The following NEDD4 variants were observed in gnomAD, a reference collection of about 807,000 sequenced individuals.
NEDD4 encodes E3 ubiquitin-protein ligase NEDD4.
In NEDD4, 99 loss-of-function variants were observed where a neutral mutation model predicts 144.9. The ratio of observed to expected loss-of-function variants is 0.68; its 90% CI spans 0.58 to 0.81. NEDD4 has a LOEUF of 0.81. NEDD4 is among the 30% of genes least tolerant of loss of function. The pLI is 0.00. For missense variants in NEDD4, 985 were observed against 1,065.9 expected, an observed-to-expected ratio of 0.92 and a Z score of 1.06; for synonymous variants, 318 against 350.6, an observed-to-expected ratio of 0.91 and a Z score of 1.04.
intron 2 of NEDD4, among the ~76,000 whole-genome samples, chr15:55,955,000 T>C (rs943284603): frequency 1.3e-5 from 2 of 152,096 alleles, no homozygotes; most frequent in African/African-American, 4.8e-5. Flanking sequence ...TTGTATTGCA[T>C]TGCACTGCAC....
rs755718014 is a variant in NEDD4, at chr15:55,838,588, T to C, written c.2048A>G (p.Asn683Ser). ...DMESVDSEYY[N>S]SLRWILENDP... Reference sequence around the variant, plus strand: ...ATTTTCAAGAATCCATCTTAGGGAATTGTAATATTCACTATCCTAGATGGG... The same window carrying C: ...ATTTTCAAGAATCCATCTTAGGGAACTGTAATATTCACTATCCTAGATGGG... The change falls in exon 22 of 29, where the codon AAT (asparagine) becomes AGT (serine). Residue 683 changes from asparagine (N) to serine (S), a missense_variant. Asn to Ser is a conservative substitution (Grantham distance 46, BLOSUM62 1). Coordinates refer to ENST00000435532, the MANE Select transcript of NEDD4 (RefSeq NM_006154.4). 55 of 1,610,886 alleles carry C rather than the reference T, an allele frequency of 3.4e-5. No individual in the cohort carries two copies. The highest frequency in any genetic ancestry group is 6.7e-5 in the East Asian group (3 of 44,708).
intron 5 of NEDD4, among the ~76,000 whole-genome samples, chr15:55,913,258 G>C (rs2036332126): frequency 6.6e-6 from 1 of 152,180 alleles, no homozygotes; most frequent in Non-Finnish European, 1.5e-5. Context: ...ACTAACTGGA[G>C]TCATGGGAAA....
intron 18 of NEDD4, among the ~76,000 whole-genome samples, chr15:55,846,446 A>T (rs1364449169): frequency 1.3e-5 from 2 of 152,220 alleles, no homozygotes; most frequent in Non-Finnish European, 2.9e-5. Flanking sequence ...CGATGGGAAA[A>T]AGTGTAGTGA....
At chr15:55,985,057 T>C (rs1458452066) in intron 1 of NEDD4, among the ~76,000 whole-genome samples, 1 of 152,178 alleles carries the variant, frequency 6.6e-6, no homozygotes, top group Non-Finnish European at 1.5e-5. Flanking sequence ...TGATGTTTAA[T>C]TATGCAAGAT....
At chr15:55,927,077 C>CAAAAAAAAAAAAAA (rs57940091) in intron 4 of NEDD4, among the ~76,000 whole-genome samples, 50 of 70,574 alleles carry the variant, frequency 7.1e-4, no homozygotes, top group Non-Finnish European at 8.1e-4. Flanking sequence ...GACTACGTCT[C>CAAAAAAAAAAAAAA]AAAAAAAAAA....
At chr15:55,843,156 C>T (rs1486419773) in intron 18 of NEDD4, among the ~76,000 whole-genome samples, 3 of 152,180 alleles carry the variant, frequency 2.0e-5, no homozygotes, top group Non-Finnish European at 4.4e-5. Context: ...GTGAGGCCTC[C>T]CTAGCCATGT....
intron 2 of NEDD4, among the ~76,000 whole-genome samples, chr15:55,957,289 T>C (rs1025133103): frequency 6.6e-6 from 1 of 152,204 alleles, no homozygotes; most frequent in Non-Finnish European, 1.5e-5. Context: ...GATTTTTTTT[T>C]CTTTGCCATA....
At chr15:55,976,816 G>C (rs974227169) in intron 1 of NEDD4, among the ~76,000 whole-genome samples, 1 of 151,552 alleles carries the variant, frequency 6.6e-6, no homozygotes, top group South Asian at 2.1e-4. Context: ...TGTATTTTTA[G>C]TACAGACGGG....
chr15:55,868,669 G>GT (rs1439812963), intron 8 of NEDD4, among the ~76,000 whole-genome samples: 2 of 152,106 alleles, frequency 1.3e-5, no homozygotes, highest in East Asian at 3.8e-4. Flanking sequence ...CATTAAACCT[G>GT]TTTTTAAAGC....
intron 8 of NEDD4, among the ~76,000 whole-genome samples, chr15:55,869,370 T>A (rs2034694004): frequency 6.6e-6 from 1 of 152,208 alleles, no homozygotes; most frequent in African/African-American, 2.4e-5. Context: ...CTCTACTCCT[T>A]AACCTTTAAG....
intron 4 of NEDD4, among the ~76,000 whole-genome samples, chr15:55,944,307 C>T (rs1247184448): frequency 6.6e-6 from 1 of 152,214 alleles, no homozygotes; most frequent in Non-Finnish European, 1.5e-5. Context: ...TTCCCATGGT[C>T]TTATCAACTG....
intron 4 of NEDD4, among the ~76,000 whole-genome samples, chr15:55,944,902 G>C (rs1198195996): frequency 2.6e-5 from 4 of 152,178 alleles, no homozygotes; most frequent in Non-Finnish European, 4.4e-5. Flanking sequence ...AAATCCAACA[G>C]ATGTGCAGCT....
chr15:55,935,266 C>T (rs1227384857), intron 4 of NEDD4, among the ~76,000 whole-genome samples: 4 of 152,204 alleles, frequency 2.6e-5, no homozygotes, highest in East Asian at 3.9e-4. Flanking sequence ...ATTAGGATTT[C>T]GTTGTATGAA....
intron 4 of NEDD4, among the ~76,000 whole-genome samples, chr15:55,945,165 G>C (rs951715659): frequency 4.6e-5 from 7 of 152,170 alleles, no homozygotes; most frequent in African/African-American, 1.7e-4. Context: ...GAATGACTTT[G>C]ATGAGTTGAC....
At position 55,841,927 on chromosome 15, in the gene NEDD4, T is replaced by C; in HGVS notation, c.1838+7A>G. 1.3e-6 allele frequency: 2 copies of C among 1,597,588 alleles called. No homozygotes were observed. Among genetic ancestry groups the C allele is most frequent in the Non-Finnish European group, 1.7e-6 (2 of 1,164,914 alleles). On this transcript the variant is annotated splice_region_variant and intron_variant, in intron 19 of 28. Transcript: ENST00000435532. ...TTTCTGCCGATAATCATTGTAAAGG[T>C]ACTTACGTAGCAGAATATTCAAACA...
At chr15:55,903,750 G>C (rs192143049) in intron 5 of NEDD4, among the ~76,000 whole-genome samples, 1 of 150,756 alleles carries the variant, frequency 6.6e-6, no homozygotes, top group Non-Finnish European at 1.5e-5. Context: ...GCGTGAACCC[G>C]GGAGGCGGAG....
intron 1 of NEDD4, among the ~76,000 whole-genome samples, chr15:55,989,865 G>A (rs1307399121): frequency 1.3e-5 from 2 of 152,130 alleles, no homozygotes; most frequent in Non-Finnish European, 2.9e-5. Flanking sequence ...GTGAGTGGCA[G>A]GCCAGTGAGC....
At chr15:55,863,620 G>A (rs186806332) in intron 8 of NEDD4, among the ~76,000 whole-genome samples, 10 of 152,114 alleles carry the variant, frequency 6.6e-5, no homozygotes, top group Non-Finnish European at 1.2e-4. Context: ...ACAAAAAATC[G>A]TTTAAATAAA....
intron 1 of NEDD4, among the ~76,000 whole-genome samples, chr15:55,983,581 C>T (rs1362561821): frequency 6.6e-6 from 1 of 151,834 alleles, no homozygotes; most frequent in Non-Finnish European, 1.5e-5. Flanking sequence ...CCCTTCTCCA[C>T]ACCATATAAA....
Sources: gnomAD v4.1 joint callset for allele counts (sites outside exome capture counted in the v4.1 genomes callset) on GRCh38, gnomAD v4.1.1 for gene constraint, MANE v1.5 for transcripts, NCBI Gene and HGNC (gene_info 2026-07-23, HGNC 2026-07-21) for gene names.